Variants in SPTBN1 observed in about 807,000 individuals in gnomAD.
SPTBN1 encodes the protein spectrin beta, non-erythrocytic 1, also known as spectrin beta chain, non-erythrocytic 1.
A neutral mutation model predicts 266.4 loss-of-function variants in SPTBN1; 32 were observed. That is an observed-to-expected ratio of 0.12 (90% CI 0.09 to 0.16). The LOEUF (loss-of-function observed/expected upper bound fraction) is 0.16. Among genes scored for constraint, SPTBN1 ranks in the 10% least tolerant of loss-of-function variants. The pLI, the probability that SPTBN1 is intolerant of heterozygous loss-of-function variation, is 1.00. For missense variants in SPTBN1, 2,296 were observed against 3,067.1 expected (o/e 0.75, Z 5.94); for synonymous variants, 1,336 against 1,162.2 (o/e 1.15, Z -3.04).
chr2:54,619,472 A>G (rs970534783), intron 7 of SPTBN1, among the ~76,000 whole-genome samples: 3 of 152,250 alleles, frequency 2.0e-5, no homozygotes, highest in African/African-American at 4.8e-5. Context: ...TAATCTTTCA[A>G]TCACCGCCCA....
At chr2:54,561,770 TAGTTTA>T (rs1673321593) in intron 2 of SPTBN1, among the ~76,000 whole-genome samples, 1 of 148,758 alleles carries the variant, frequency 6.7e-6, no homozygotes, top group African/African-American at 2.4e-5. Flanking sequence ...TAGTTATATA[TAGTTTA>T]AAATAAAAAT....
intron 1 of SPTBN1, among the ~76,000 whole-genome samples, chr2:54,457,636 C>G (rs1693128502): frequency 6.6e-6 from 1 of 152,198 alleles, no homozygotes; most frequent in Non-Finnish European, 1.5e-5. Flanking sequence ...AGCAGTATCG[C>G]AGCTTCCTTG....
intron 3 of SPTBN1, 71 bp from the exon 4 acceptor site, chr2:54,612,090 T>G (rs1188668878): frequency 4.9e-6 from 7 of 1,432,212 alleles, no homozygotes; most frequent in Non-Finnish European, 6.6e-6. Context: ...CACATGTGAC[T>G]AGGCAGTAAC....
intron 31 of SPTBN1, 31 bp downstream of exon 31, chr2:54,659,297 C>G: frequency 6.2e-7 from 1 of 1,604,208 alleles, no homozygotes; most frequent in Non-Finnish European, 8.5e-7. Flanking sequence ...AGGCTGGACC[C>G]TTAGCCTCGG....
intron 2 of SPTBN1, 81 bp downstream of exon 2, chr2:54,526,647 G>C: frequency 6.7e-7 from 1 of 1,482,038 alleles, no homozygotes; most frequent in Non-Finnish European, 9.0e-7. Flanking sequence ...CTGTTCCCAT[G>C]ACGCTGTCAT....
At chr2:54,641,535 T>G (rs1679558316) in intron 18 of SPTBN1, among the ~76,000 whole-genome samples, 1 of 152,250 alleles carries the variant, frequency 6.6e-6, no homozygotes, top group Non-Finnish European at 1.5e-5. Flanking sequence ...TTTTTCCAAG[T>G]AGGAAGTGCG....
chr2:54,529,692 T>C (rs527913139), intron 2 of SPTBN1: 7 of 717,998 alleles, frequency 9.7e-6, no homozygotes, highest in Non-Finnish European at 1.8e-5. Context: ...GTGAAGAAGC[T>C]CTGTGACATT....
intron 4 of SPTBN1, among the ~76,000 whole-genome samples, chr2:54,613,377 T>G (rs941895287): frequency 1.3e-5 from 2 of 152,228 alleles, no homozygotes; most frequent in Admixed American, 1.3e-4. Flanking sequence ...AATTATAACT[T>G]GCTTTGTTTT....
At chr2:54,602,523 A>C (rs1356869096) in intron 3 of SPTBN1, among the ~76,000 whole-genome samples, 3 of 152,136 alleles carry the variant, frequency 2.0e-5, no homozygotes, top group Admixed American at 6.5e-5. Context: ...TATGGTGGCC[A>C]GTTTTTTGCC....
At chr2:54,466,551 G>A (rs1350469783) in intron 1 of SPTBN1, among the ~76,000 whole-genome samples, 1 of 14,660 alleles carries the variant, frequency 6.8e-5, no homozygotes, top group Non-Finnish European at 9.1e-5. Context: ...GACAGAGCGA[G>A]ACTCCGTCTC....
intron 1 of SPTBN1, among the ~76,000 whole-genome samples, chr2:54,486,302 T>A (rs1668385330): frequency 6.6e-6 from 1 of 151,982 alleles, no homozygotes; most frequent in Non-Finnish European, 1.5e-5. Flanking sequence ...GGGAAAAGAC[T>A]GAGAAATCGG....
At chr2:54,462,232 G>C (rs1025168987) in intron 1 of SPTBN1, among the ~76,000 whole-genome samples, 2 of 152,208 alleles carry the variant, frequency 1.3e-5, no homozygotes, top group African/African-American at 4.8e-5. Flanking sequence ...GACTGCCTAA[G>C]CACTATGACC....
chr2:54,547,977 A>G (rs1672347559), intron 2 of SPTBN1, among the ~76,000 whole-genome samples: 1 of 151,780 alleles, frequency 6.6e-6, no homozygotes, highest in Non-Finnish European at 1.5e-5. Flanking sequence ...CCCCGTCTCT[A>G]CTAAAAATAC....
intron 2 of SPTBN1, among the ~76,000 whole-genome samples, chr2:54,578,317 T>G (rs1436770486): frequency 6.6e-6 from 1 of 152,206 alleles, no homozygotes; most frequent in African/African-American, 2.4e-5. Context: ...AAGTTCAGAT[T>G]ATTGGAGATT....
chr2:54,480,370 A>G (rs1271304272), intron 1 of SPTBN1, among the ~76,000 whole-genome samples: 1 of 152,238 alleles, frequency 6.6e-6, no homozygotes, highest in Non-Finnish European at 1.5e-5. Flanking sequence ...ACAAAATCAA[A>G]CAAAAAAGAA....
intron 1 of SPTBN1, among the ~76,000 whole-genome samples, chr2:54,482,900 A>G (rs188046856): frequency 9.9e-5 from 15 of 152,260 alleles, no homozygotes; most frequent in African/African-American, 2.2e-4. Flanking sequence ...CTTTTTCTCA[A>G]TGGTCTTTTG....
rs6759618 is a variant in SPTBN1 at position 54,476,208 on chromosome 2, G to A, written c.-48+19690G>A. ...CTCTGTGCCATCCTCACTCAAGGACGGTGGACTGATGGGCTAGATGCAGGC... is the reference window on the plus strand; with the variant it reads ...CTCTGTGCCATCCTCACTCAAGGACAGTGGACTGATGGGCTAGATGCAGGC... On this transcript the variant is annotated intron_variant, in intron 1 of 35. Transcript: ENST00000356805. Among the ~76,000 whole-genome samples, 44 of 151,980 alleles carry A rather than the reference G, an allele frequency of 2.9e-4. No individual in the cohort carries two copies. The Middle Eastern group carries it at 0.041, about 141-fold the overall frequency.
chr2:54,461,278 G>A (rs186638829), intron 1 of SPTBN1, among the ~76,000 whole-genome samples: 6 of 152,196 alleles, frequency 3.9e-5, no homozygotes, highest in Admixed American at 2.0e-4. Flanking sequence ...TCCATTTCAT[G>A]GCTGTATTTC....
At chr2:54,609,887 C>T (rs1389457204) in intron 3 of SPTBN1, among the ~76,000 whole-genome samples, 1 of 152,162 alleles carries the variant, frequency 6.6e-6, no homozygotes, top group East Asian at 1.9e-4. Flanking sequence ...CCCTTCAAGG[C>T]TCAAAGGTTA....
Sources: gnomAD v4.1 joint callset for allele counts (sites outside exome capture counted in the v4.1 genomes callset) on GRCh38, gnomAD v4.1.1 for gene constraint, MANE v1.5 for transcripts, NCBI Gene and HGNC (gene_info 2026-07-23, HGNC 2026-07-21) for gene names.